Variants in RBFOX1 observed in about 807,000 individuals in gnomAD.
The protein encoded by RBFOX1 is RNA binding protein fox-1 homolog 1.
RBFOX1 carries 8 observed loss-of-function variants against 57.7 expected under a neutral mutation model. That is an observed-to-expected ratio of 0.14 (90% confidence interval 0.08 to 0.25). The LOEUF (loss-of-function observed/expected upper bound fraction) is 0.25. Ranked by LOEUF, RBFOX1 falls within the 10% of genes least tolerant of loss-of-function variation. The pLI is 1.00. For missense variants in RBFOX1, 611 were observed against 548.5 expected (o/e 1.11, Z -1.14); for synonymous variants, 326 against 222.4 (o/e 1.47, Z -4.15).
intron 4 of RBFOX1, among the ~76,000 whole-genome samples, chr16:7,155,760 CACACAT>C (rs1322259472): frequency 3.6e-5 from 5 of 138,460 alleles, no homozygotes; most frequent in Admixed American, 1.5e-4. Context: ...CACACACACA[CACACAT>C]ATATATACAG....
At chr16:7,688,777 C>T (rs2076687856) in intron 14 of RBFOX1, among the ~76,000 whole-genome samples, 1 of 152,076 alleles carries the variant, frequency 6.6e-6, no homozygotes, top group Non-Finnish European at 1.5e-5. Context: ...CAGACCATGG[C>T]ATATGCCATT....
chr16:6,377,247 C>T (rs1342400694), intron 2 of RBFOX1, among the ~76,000 whole-genome samples: 1 of 143,660 alleles, frequency 7.0e-6, no homozygotes, highest in Non-Finnish European at 1.5e-5. Flanking sequence ...GCACTCCATC[C>T]TGAGTGACAG....
At chr16:5,879,846 C>G (rs893070006) in intron 4 of RBFOX1, among the ~76,000 whole-genome samples, 2 of 152,204 alleles carry the variant, frequency 1.3e-5, no homozygotes, top group Non-Finnish European at 2.9e-5. Context: ...TCCACTATCA[C>G]TCTGGCAGGG....
intron 2 of RBFOX1, among the ~76,000 whole-genome samples, chr16:5,575,107 C>A (rs545341168): frequency 1.3e-5 from 2 of 152,138 alleles, no homozygotes; most frequent in African/African-American, 4.8e-5. Context: ...TATTTTATTA[C>A]CTTGGAAGTG....
At chr16:7,363,162 C>G (rs1225569673) in intron 4 of RBFOX1, among the ~76,000 whole-genome samples, 3 of 152,136 alleles carry the variant, frequency 2.0e-5, no homozygotes, top group African/African-American at 7.2e-5. Flanking sequence ...TTATGAGAGG[C>G]TTTGGGAGAG....
At chr16:7,035,690 C>G (rs1305884066) in intron 3 of RBFOX1, among the ~76,000 whole-genome samples, 1 of 152,112 alleles carries the variant, frequency 6.6e-6, no homozygotes, top group East Asian at 1.9e-4. Flanking sequence ...AAGTAAACAG[C>G]CAGGTGACCT....
At chr16:6,181,151 T>A (rs977543490) in intron 1 of RBFOX1, among the ~76,000 whole-genome samples, 5 of 152,202 alleles carry the variant, frequency 3.3e-5, no homozygotes, top group African/African-American at 1.2e-4. Flanking sequence ...TCATTGGCTC[T>A]CTCCAGTTTT....
chr16:6,192,617 T>C (rs78077842), intron 1 of RBFOX1, among the ~76,000 whole-genome samples: 1,842 of 152,282 alleles, frequency 0.012, 26 homozygotes, highest in Non-Finnish European at 0.015. Flanking sequence ...ACTTCAGAGA[T>C]ACGGTGGTGG....
At chr16:6,350,433 C>A in intron 2 of RBFOX1, among the ~76,000 whole-genome samples, 1 of 115,534 alleles carries the variant, frequency 8.7e-6, no homozygotes, top group South Asian at 3.1e-4. Context: ...AAGAGTGAAA[C>A]TCTGTCTCAA....
At chr16:6,904,498 G>A (rs1004209127) in intron 3 of RBFOX1, among the ~76,000 whole-genome samples, 1 of 151,068 alleles carries the variant, frequency 6.6e-6, no homozygotes, top group Non-Finnish European at 1.5e-5. Context: ...CTACTCGGGA[G>A]GCCGAGGCAG....
At chr16:7,566,169 T>G (rs2091644157) in intron 5 of RBFOX1, among the ~76,000 whole-genome samples, 1 of 152,188 alleles carries the variant, frequency 6.6e-6, no homozygotes, top group Non-Finnish European at 1.5e-5. Flanking sequence ...CATAGGATGC[T>G]TATTCTAATA....
At position 7,298,956 on chromosome 16, in the gene RBFOX1, C is replaced by T. The variant is rs182812620; in HGVS notation, c.28-219191C>T. 1.4e-4 allele frequency among the ~76,000 whole-genome samples: 21 copies of T among 152,202 alleles called. No individual in the cohort carries two copies. In the East Asian group the frequency reaches 3.3e-3, roughly 24 times the overall value. On this transcript the variant is annotated intron_variant, in intron 4 of 15. Transcript: ENST00000550418. The stretch of plus-strand genomic sequence containing the variant: ...GTATAGTTCAAATCTGTGTTGTTCA[C>T]GAGTCAACTGTATTTGCTTTTACAA...
intron 3 of RBFOX1, among the ~76,000 whole-genome samples, chr16:6,707,761 G>A (rs144847022): frequency 1.5e-4 from 23 of 152,228 alleles, no homozygotes; most frequent in East Asian, 7.7e-4. Context: ...TTTAGTAGCC[G>A]TGTAGGAGAC....
chr16:6,094,819 C>T (rs972553845), intron 1 of RBFOX1, among the ~76,000 whole-genome samples: 16 of 152,180 alleles, frequency 1.1e-4, no homozygotes, highest in Non-Finnish European at 2.1e-4. Flanking sequence ...ATCCCAACAC[C>T]TTGGGAGGCT....
chr16:6,909,984 C>A (rs1354400760), intron 3 of RBFOX1, among the ~76,000 whole-genome samples: 1 of 152,018 alleles, frequency 6.6e-6, no homozygotes, highest in African/African-American at 2.4e-5. Flanking sequence ...TCAGGCAGAT[C>A]TCTCTTGAAA....
intron 4 of RBFOX1, among the ~76,000 whole-genome samples, chr16:7,237,100 C>T (rs2093806568): frequency 6.6e-6 from 1 of 152,168 alleles, no homozygotes; most frequent in South Asian, 2.1e-4. Flanking sequence ...CAGCCAGCTA[C>T]TTTCCAAAAC....
At chr16:6,783,434 A>G (rs1218936485) in intron 3 of RBFOX1, among the ~76,000 whole-genome samples, 2 of 115,678 alleles carry the variant, frequency 1.7e-5, no homozygotes, top group Admixed American at 1.7e-4. Flanking sequence ...AGTTACCATG[A>G]AGCTTGCAAA....
At chr16:5,625,077 T>C (rs1028284237) in intron 3 of RBFOX1, among the ~76,000 whole-genome samples, 2 of 152,190 alleles carry the variant, frequency 1.3e-5, no homozygotes, top group Non-Finnish European at 2.9e-5. Context: ...TTCAGGGACA[T>C]TGCACAGAAT....
chr16:6,629,935 T>C (rs906695407), intron 2 of RBFOX1, among the ~76,000 whole-genome samples: 3 of 151,072 alleles, frequency 2.0e-5, no homozygotes, highest in African/African-American at 7.3e-5. Context: ...AATGCTAATT[T>C]TACATTTGGC....
Sources: allele counts gnomAD v4.1 joint callset (sites outside exome capture counted in the v4.1 genomes callset), GRCh38; gene constraint gnomAD v4.1.1; transcripts MANE v1.5; gene names NCBI Gene and HGNC (gene_info 2026-07-23, HGNC 2026-07-21).